VN1R4: variants seen among roughly 807,000 people sequenced by gnomAD.
VN1R4 encodes vomeronasal 1 receptor 4, also known as vomeronasal type-1 receptor 4.
For missense variants in VN1R4, 291 were observed against 364.2 expected (o/e 0.80, Z 1.64); for synonymous variants, 97 against 138.8 (o/e 0.70, Z 2.12).
At chr19:53,267,600 G>A in exon 1 of VN1R4, 2 of 1,613,624 alleles carry the variant, frequency 1.2e-6, no homozygotes, top group Non-Finnish European at 1.7e-6. Flanking sequence ...GAACAGAGAA[G>A]CTCCCCAGGA....
chr19:53,267,646 G>T, exon 1 of VN1R4: 2 of 1,598,464 alleles, frequency 1.3e-6, no homozygotes, highest in Non-Finnish European at 1.7e-6. Flanking sequence ...CATTCCCACT[G>T]CCACATACCG....
At chr19:53,267,397 C>A in exon 1 of VN1R4, 1 of 1,614,000 alleles carries the variant, frequency 6.2e-7, no homozygotes, top group Non-Finnish European at 8.5e-7. Flanking sequence ...CACTCCCCTG[C>A]CCACTCTATG....
rs780696303 is a variant in VN1R4 at position 53,267,161 on chromosome 19, C to T, written c.505G>A (p.Gly169Arg). ...TGTGCGATTTTGTTGTTGCCTCCCCCAGAACAGTATCCCAAATCCTCGTTC... is the reference window on the plus strand; with the variant it reads ...TGTGCGATTTTGTTGTTGCCTCCCCTAGAACAGTATCCCAAATCCTCGTTC... The change falls in exon 1 of 1, where the codon GGG becomes AGG. Residue 169 changes from glycine to arginine, a missense_variant. Gly to Arg is a moderately radical substitution (Grantham distance 125, BLOSUM62 -2). Transcript: ENST00000311170. 1.5e-5 allele frequency: 24 copies of T among 1,612,050 alleles called. No homozygotes were observed. The highest frequency in any genetic ancestry group is 2.7e-5 in the African/African-American group (2 of 74,730).
chr19:53,267,366 G>A (rs1348069151), exon 1 of VN1R4: 17 of 1,613,730 alleles, frequency 1.1e-5, no homozygotes, highest in Non-Finnish European at 1.3e-5. Context: ...AGACACTCAA[G>A]AGGCAGGTGG....
At chr19:53,267,547 C>G (rs754682568) in exon 1 of VN1R4, 16 of 1,614,002 alleles carry the variant, frequency 9.9e-6, no homozygotes, top group Middle Eastern at 1.7e-4. Context: ...ATCTGTGGAC[C>G]TTAACCTGCA....
the VN1R4 span, chr19:53,267,316 GC>G: frequency 6.2e-7 from 1 of 1,609,040 alleles, no homozygotes. Context: ...TTTAAGTTTT[GC>G]CCACCTGGAT....
At chr19:53,267,185 T>C in exon 1 of VN1R4, 1 of 1,611,646 alleles carries the variant, frequency 6.2e-7, no homozygotes, top group Non-Finnish European at 8.5e-7. Context: ...AAATCCTCGT[T>C]CACTGTGATG....
chr19:53,267,136 T>G lies in VN1R4; in HGVS notation c.530A>C (p.Gln177Pro), dbSNP rs1360478039. The G allele has an allele frequency of 1.9e-6, 3 of 1,611,544 alleles. No homozygotes were observed. The South Asian group carries it at 3.3e-5, about 18-fold the overall frequency. Reference sequence around the variant, plus strand: ...TGATAACAACATTGCACGCAGTGTCTGTGCGATTTTGTTGTTGCCTCCCCC... The same window carrying G: ...TGATAACAACATTGCACGCAGTGTCGGTGCGATTTTGTTGTTGCCTCCCCC... Residue 177 changes from glutamine (Q) to proline (P), a missense_variant, in exon 1 of 1, where the codon CAG (glutamine) becomes CCG (proline). By Grantham distance (76) the Gln-to-Pro change is moderately conservative. Transcript: ENST00000311170.
chr19:53,266,816 C>A lies in VN1R4; in HGVS notation c.850G>T (p.Val284Phe). Residue 284 changes from valine (V) to phenylalanine (F), a missense_variant, in exon 1 of 1, where the codon GTT (valine) becomes TTT (phenylalanine). Physicochemically the swap from Val to Phe is conservative, Grantham distance 50. Transcript: ENST00000311170. ...ACACTGGGGTCACAGCTCATGAGAA[C>A]AAAGGGGCTGAGAGTTGGGAAACAT... 1 of 1,614,022 alleles carries A rather than the reference C, an allele frequency of 6.2e-7. No individual in the cohort carries two copies. The highest frequency in any genetic ancestry group is 8.5e-7 in the Non-Finnish European group (1 of 1,179,962).
chr19:53,266,844 A>T, exon 1 of VN1R4: 1 of 1,614,132 alleles, frequency 6.2e-7, no homozygotes, highest in Non-Finnish European at 8.5e-7. Flanking sequence ...GGAAACATAC[A>T]CTCATTAAGG....
chr19:53,267,408 G>A, exon 1 of VN1R4: 3 of 1,614,110 alleles, frequency 1.9e-6, no homozygotes, highest in Non-Finnish European at 2.5e-6. Context: ...CCACTCTATG[G>A]AGATAGAAAA....
exon 1 of VN1R4, chr19:53,267,676 A>G: frequency 6.4e-7 from 1 of 1,567,242 alleles, no homozygotes; most frequent in Non-Finnish European, 8.6e-7. Flanking sequence ...TCTGCCACTG[A>G]TGTCTGTCAC....
exon 1 of VN1R4, chr19:53,267,276 A>T (rs1355350406): frequency 1.9e-6 from 3 of 1,613,886 alleles, no homozygotes; most frequent in Non-Finnish European, 2.5e-6. Flanking sequence ...ACAGGAGAAC[A>T]GAAAAGCCAA....
exon 1 of VN1R4, chr19:53,266,925 A>G (rs750250520): frequency 6.2e-7 from 1 of 1,613,758 alleles, no homozygotes; most frequent in Non-Finnish European, 8.5e-7. Context: ...GGCAGGAGAG[A>G]GTGTAAGAAG....
exon 1 of VN1R4, chr19:53,267,237 G>A (rs1374317850): frequency 1.9e-6 from 3 of 1,608,530 alleles, no homozygotes; most frequent in Non-Finnish European, 2.5e-6. Context: ...TGGGAAAGAT[G>A]ATGTTTACCA....
At chr19:53,267,282 G>T (rs2091354353) in exon 1 of VN1R4, 1 of 1,613,824 alleles carries the variant, frequency 6.2e-7, no homozygotes, top group African/African-American at 1.3e-5. Context: ...GAACAGAAAA[G>T]CCAACATGCT....
At chr19:53,267,373 G>T (rs536692433) in exon 1 of VN1R4, 1 of 1,613,746 alleles carries the variant, frequency 6.2e-7, no homozygotes, top group African/African-American at 1.3e-5. Context: ...CAAGAGGCAG[G>T]TGGTGCCAAT....
At chr19:53,266,708 C>T (rs1158037428) in exon 1 of VN1R4, 7 of 1,501,174 alleles carry the variant, frequency 4.7e-6, no homozygotes, top group East Asian at 4.5e-5. Flanking sequence ...TCAATTGAAC[C>T]ATGAGCAAAT....
chr19:53,267,298 G>C, exon 1 of VN1R4: 1 of 1,614,034 alleles, frequency 6.2e-7, no homozygotes, highest in Non-Finnish European at 8.5e-7. Context: ...ATGCTTGGGG[G>C]CTTTCTCTTT....
Sources: gnomAD v4.1 joint callset for allele counts on GRCh38, gnomAD v4.1.1 for gene constraint, MANE v1.5 for transcripts, NCBI Gene and HGNC (gene_info 2026-07-23, HGNC 2026-07-21) for gene names.